Variants in TCF20 observed in about 807,000 individuals in gnomAD.
The protein encoded by TCF20 is SPRE-binding protein.
In TCF20, 3 loss-of-function variants were observed where a neutral mutation model predicts 148.6. The observed-to-expected ratio is 0.02, with a 90% CI of 0.01 to 0.05. The LOEUF (loss-of-function observed/expected upper bound fraction) is 0.05, where lower values mean the gene tolerates loss of function less well. Ranked by LOEUF, TCF20 falls within the 10% of genes least tolerant of loss-of-function variation. TCF20 has a pLI of 1.00. For missense variants in TCF20, 2,350 were observed against 2,429.3 expected (o/e 0.97, Z 0.69); for synonymous variants, 1,049 against 909.5 (o/e 1.15, Z -2.76).
chr22:42,226,692 G>C (rs1922931766), intron 1 of TCF20, among the ~76,000 whole-genome samples: 1 of 152,206 alleles, frequency 6.6e-6, no homozygotes, highest in Non-Finnish European at 1.5e-5. Flanking sequence ...GTGGGTGACA[G>C]AGTGAGATTC....
intron 1 of TCF20, among the ~76,000 whole-genome samples, chr22:42,328,603 C>T (rs1927915460): frequency 2.0e-5 from 3 of 152,344 alleles, no homozygotes; most frequent in Non-Finnish European, 2.9e-5. Flanking sequence ...CCTGGCTCAC[C>T]TCCCACTCAC....
intron 2 of TCF20, among the ~76,000 whole-genome samples, chr22:42,194,447 C>T (rs559467217): frequency 2.0e-5 from 3 of 152,320 alleles, no homozygotes; most frequent in South Asian, 4.1e-4. Flanking sequence ...TCAACAACCC[C>T]GGCCGCCTTG....
At chr22:42,300,732 C>T (rs574895354) in intron 1 of TCF20, among the ~76,000 whole-genome samples, 100 of 152,242 alleles carry the variant, frequency 6.6e-4, no homozygotes, top group African/African-American at 2.2e-3. Flanking sequence ...GGCCAACACA[C>T]TCAGCCCCAC....
intron 1 of TCF20, among the ~76,000 whole-genome samples, chr22:42,247,997 T>C (rs1242400665): frequency 6.6e-6 from 1 of 152,194 alleles, no homozygotes; most frequent in Non-Finnish European, 1.5e-5. Flanking sequence ...ACAACAAATA[T>C]GTTGGCTCCT....
intron 1 of TCF20, among the ~76,000 whole-genome samples, chr22:42,325,106 A>G (rs1216561771): frequency 3.9e-5 from 6 of 152,240 alleles, no homozygotes; most frequent in Non-Finnish European, 1.5e-5. Flanking sequence ...GGCAGCCCCA[A>G]CTACAGATGC....
At chr22:42,320,834 G>C (rs4822110) in intron 1 of TCF20, among the ~76,000 whole-genome samples, 59,495 of 151,994 alleles carry the variant, frequency 0.39, 12,220 homozygotes, top group East Asian at 0.58. Flanking sequence ...CAGGTACTGC[G>C]AATACCTGGC....
At chr22:42,325,759 G>A (rs1927863888) in intron 1 of TCF20, among the ~76,000 whole-genome samples, 1 of 152,200 alleles carries the variant, frequency 6.6e-6, no homozygotes, top group African/African-American at 2.4e-5. Context: ...GGGAAGTGGA[G>A]GCCGTGGGGA....
intron 1 of TCF20, among the ~76,000 whole-genome samples, chr22:42,250,944 A>G (rs1925315419): frequency 6.6e-6 from 1 of 152,150 alleles, no homozygotes; most frequent in South Asian, 2.1e-4. Flanking sequence ...ACACTTTTAA[A>G]ACAGCCAGAT....
chr22:42,201,694 G>A (rs929215038), intron 2 of TCF20, among the ~76,000 whole-genome samples: 1 of 152,076 alleles, frequency 6.6e-6, no homozygotes, highest in Non-Finnish European at 1.5e-5. Flanking sequence ...CTTGAACCTG[G>A]GAGGCGAAGG....
intron 2 of TCF20, among the ~76,000 whole-genome samples, chr22:42,187,956 A>T (rs1288516913): frequency 6.6e-6 from 1 of 152,138 alleles, no homozygotes; most frequent in East Asian, 1.9e-4. Flanking sequence ...TCTCCAGAAG[A>T]TTCTGTCACA....
rs1214086319 is a variant in TCF20 at position 42,160,421 on chromosome 22, C to T, written c.*982G>A. 1.3e-5 allele frequency: 2 copies of T among 152,708 alleles called. No individual in the cohort carries two copies. The highest frequency in any genetic ancestry group is 4.8e-5 in the African/African-American group (2 of 41,466). 9.5% of individuals were successfully genotyped at this position (152,708 alleles called of 1,614,324 possible). On this transcript the variant is annotated 3_prime_UTR_variant, in exon 6 of 6. Transcript: ENST00000677622. ...GCTCACACTGCCAGCTCTGGCAACA[C>T]AGGCCTGGACCTCCTCCCATCCCCA...
At chr22:42,250,486 A>T (rs1336963373) in intron 1 of TCF20, among the ~76,000 whole-genome samples, 4 of 148,854 alleles carry the variant, frequency 2.7e-5, no homozygotes, top group Admixed American at 6.7e-5. Flanking sequence ...CTTCAATGAG[A>T]TGTCCTTTTT....
chr22:42,235,905 T>G (rs1240145085), intron 1 of TCF20, among the ~76,000 whole-genome samples: 1 of 152,096 alleles, frequency 6.6e-6, no homozygotes, highest in East Asian at 1.9e-4. Flanking sequence ...ATAAAATAAG[T>G]AAAAGACACC....
intron 1 of TCF20, among the ~76,000 whole-genome samples, chr22:42,257,650 G>A (rs1925812352): frequency 6.6e-6 from 1 of 152,226 alleles, no homozygotes; most frequent in Admixed American, 6.5e-5. Flanking sequence ...TTAGAGCCTA[G>A]TGAAATGGTG....
At chr22:42,247,269 A>G (rs1924996311) in intron 1 of TCF20, among the ~76,000 whole-genome samples, 2 of 151,668 alleles carry the variant, frequency 1.3e-5, no homozygotes, top group South Asian at 4.2e-4. Context: ...GTGAAATCCC[A>G]TCTCTACTAA....
Position 42,210,847 on chromosome 22 carries a change from C to T in TCF20, c.4459G>A (p.Ala1487Thr), listed in dbSNP as rs956289349. 4 of 1,614,222 alleles carry T rather than the reference C, an allele frequency of 2.5e-6. No homozygotes were observed. The highest frequency in any genetic ancestry group is 3.4e-6 in the Non-Finnish European group (4 of 1,180,046). The change falls in exon 2 of 6, where the codon GCA becomes ACA. Residue 1487 changes from alanine to threonine, a missense_variant. By Grantham distance (58) the Ala-to-Thr change is moderately conservative. Transcript: ENST00000677622. The surrounding 1 kb of genome is among the most constrained non-coding windows in gnomAD (Gnocchi z 4.7). ...GRPDGSLGGT[A>T]PLIFPDSKNV... ...TTTGAGTCTGGAAAGATTAAAGGTGCTGTTCCACCCAGGGAACCATCTGGT... is the reference window on the plus strand; with the variant it reads ...TTTGAGTCTGGAAAGATTAAAGGTGTTGTTCCACCCAGGGAACCATCTGGT...
chr22:42,188,293 CAAAAAAAAAAAAA>C (rs58945649), intron 2 of TCF20, among the ~76,000 whole-genome samples: 1 of 49,470 alleles, frequency 2.0e-5, no homozygotes, highest in Non-Finnish European at 4.3e-5. Context: ...AACTCCGTCT[CAAAAAAAAAAAAA>C]AAAAAAAAAA....
intron 1 of TCF20, among the ~76,000 whole-genome samples, chr22:42,251,611 T>C (rs1925377594): frequency 1.3e-5 from 2 of 148,576 alleles, no homozygotes; most frequent in Non-Finnish European, 3.0e-5. Flanking sequence ...CAAGTGATTC[T>C]CGTGCCTCAG....
chr22:42,172,452 G>T (rs970952043), intron 3 of TCF20, among the ~76,000 whole-genome samples: 2 of 152,222 alleles, frequency 1.3e-5, no homozygotes, highest in Admixed American at 6.5e-5. Flanking sequence ...GGCGCAGTCA[G>T]CACTTCTGCA....
Sources: gnomAD v4.1 joint callset for allele counts (sites outside exome capture counted in the v4.1 genomes callset) on GRCh38, gnomAD v4.1.1 for gene constraint, Gnocchi (gnomAD v3.1) non-coding constraint, MANE v1.5 for transcripts, NCBI Gene and HGNC (gene_info 2026-07-23, HGNC 2026-07-21) for gene names.